The following CCS variants were observed in gnomAD, a reference collection of about 807,000 sequenced individuals.
CCS encodes superoxide dismutase copper chaperone.
CCS carries 32 observed loss-of-function variants against 35.5 expected under a neutral mutation model. That is an observed-to-expected ratio of 0.90 (90% confidence interval 0.68 to 1.21). The LOEUF (loss-of-function observed/expected upper bound fraction) is 1.21. Among genes scored for constraint, CCS ranks in the 50% most tolerant of loss-of-function variants. CCS has a pLI of 0.00. For missense variants in CCS, 342 were observed against 375.4 expected (o/e 0.91, Z 0.73); for synonymous variants, 130 against 147.2 (o/e 0.88, Z 0.84).
rs1212014528 is a variant in CCS at position 66,599,557 on chromosome 11, G to A, written c.349G>A (p.Gly117Arg). The stretch of plus-strand genomic sequence containing the variant: ...GACCCCTGAGCGCTGCCTCATCGAG[G>A]GAACTATTGACGGCCTGGAGCCTGG... ...QLTPERCLIE[G>R]TIDGLEPGLH... is the part of the protein sequence containing the mutation. The change falls in exon 4 of 8, where the codon GGA becomes AGA. Residue 117 changes from glycine (G) to arginine (R), a missense_variant. Coordinates refer to ENST00000533244, the MANE Select transcript of CCS (RefSeq NM_005125.2). 1.1e-5 allele frequency: 18 copies of A among 1,605,142 alleles called. No homozygotes were observed. In the East Asian group the frequency reaches 4.0e-4, roughly 36 times the overall value.
chr11:66,593,669 CAG>C lies in CCS; in HGVS notation c.70_71del (p.Ser24LeufsTer87). The C allele has an allele frequency of 6.2e-7, 1 of 1,614,116 alleles. No homozygotes were observed. Among genetic ancestry groups the C allele is most frequent in the East Asian group, 2.2e-5 (1 of 44,880 alleles). ...GGAGTTCGCGGTGCAGATGACCTGT[CAG>C]AGCTGTGTGGACGCGGTGCGCAAAT... The part of the protein sequence containing the change: ...TLEFAVQMTC[Q>X]SCVDAVRKSL... On this transcript the variant is annotated frameshift_variant, in exon 2 of 8. Coordinates refer to ENST00000533244, the MANE Select transcript of CCS (RefSeq NM_005125.2). LOFTEE classifies it high-confidence loss of function.
At chr11:66,601,646 A>G (rs767212045) in intron 5 of CCS, among the ~76,000 whole-genome samples, 15 of 150,080 alleles carry the variant, frequency 1.0e-4, no homozygotes, top group Admixed American at 2.0e-4. Flanking sequence ...ATGGCTCACT[A>G]CAGCCTTGAA....
intron 4 of CCS, 71 bp downstream of exon 4, chr11:66,599,707 C>T: frequency 7.2e-7 from 1 of 1,381,462 alleles, no homozygotes. Flanking sequence ...CACCAATACT[C>T]TGTGAGGCAC....
rs771093151 is a variant in CCS at position 66,593,645 on chromosome 11, G to A, written c.43G>A (p.Glu15Lys). 1.9e-6 allele frequency: 3 copies of A among 1,613,814 alleles called. No homozygotes were observed. In the Admixed American group the frequency reaches 5.0e-5, roughly 27 times the overall value. Reference protein sequence around the residue: ...SGNQGTLCTLEFAVQMTCQSC... With the variant: ...SGNQGTLCTLKFAVQMTCQSC... ...TTGGTCCCTGCCGCCCTTGCAGTTG[G>A]AGTTCGCGGTGCAGATGACCTGTCA... Residue 15 changes from glutamate (E) to lysine (K), a missense_variant, in exon 2 of 8, where the codon GAG becomes AAG. Coordinates refer to ENST00000533244, the MANE Select transcript of CCS (RefSeq NM_005125.2).
chr11:66,600,613 G>C, intron 5 of CCS, 64 bp downstream of exon 5: 1 of 793,176 alleles, frequency 1.3e-6, no homozygotes, highest in Non-Finnish European at 2.0e-6. Context: ...AGGCAGGGCA[G>C]GCAGCTCTTG....
intron 2 of CCS, 87 bp from the exon 3 acceptor site, chr11:66,599,029 A>C: frequency 6.5e-7 from 1 of 1,538,640 alleles, no homozygotes; most frequent in Non-Finnish European, 8.9e-7. Context: ...GGAAATGGGG[A>C]TGGAGAATTG....
At chr11:66,595,185 C>T (rs1565321906) in intron 2 of CCS, among the ~76,000 whole-genome samples, 1 of 151,890 alleles carries the variant, frequency 6.6e-6, no homozygotes, top group Non-Finnish European at 1.5e-5. Context: ...CGAGTTAATA[C>T]AAAAAAAGCA....
intron 5 of CCS, among the ~76,000 whole-genome samples, chr11:66,602,374 T>G (rs1434265988): frequency 6.6e-6 from 1 of 152,140 alleles, no homozygotes; most frequent in Non-Finnish European, 1.5e-5. Context: ...GCCAGAGACA[T>G]CAGTTCTTTG....
chr11:66,605,110 T>G, intron 5 of CCS: 1 of 1,503,242 alleles, frequency 6.7e-7, no homozygotes. Context: ...AGGGAGGGAG[T>G]GTTCAGATGG....
In CCS at chr11:66,605,114, C is replaced by G. The variant is rs1461814851; in HGVS notation, c.490-225C>G. 5 of 1,511,708 alleles carry G rather than the reference C, an allele frequency of 3.3e-6. No individual in the cohort carries two copies. The East Asian group carries it at 7.6e-5, about 23-fold the overall frequency. The allele number at this position is 1,511,708 out of a possible 1,614,324, so 93.6% of individuals were successfully genotyped here. A position where few individuals can be genotyped will look rare whatever the true frequency, so the allele number is the denominator to read the frequency against. On this transcript the variant is annotated intron_variant, in intron 5 of 7. Coordinates refer to ENST00000533244, the MANE Select transcript of CCS (RefSeq NM_005125.2). ...ATTTCAGTTCCAGGGAGGGAGTGTT[C>G]AGATGGTCCGGGACTTCCTGGACCA...
intron 2 of CCS, among the ~76,000 whole-genome samples, chr11:66,594,492 C>T (rs1858439361): frequency 6.6e-6 from 1 of 151,372 alleles, no homozygotes; most frequent in South Asian, 2.1e-4. Flanking sequence ...AGTGTTTATC[C>T]AGGCCAGGCT....
rs1858642966 is a variant in CCS, at chr11:66,605,572, C to A, written c.651C>A (p.Ile217=). ...LGRGGHPLSK[I]TGNSGERLAC... is the part of the protein sequence containing the mutation. Reference sequence around the variant, plus strand: ...GGGGAGGCCATCCCTTATCCAAGATCACAGGGAACTCCGGGGAGAGGTGAG... The same window carrying A: ...GGGGAGGCCATCCCTTATCCAAGATAACAGGGAACTCCGGGGAGAGGTGAG... Residue 217 remains isoleucine, a synonymous_variant, in exon 7 of 8, where the codon ATC becomes ATA. Transcript: ENST00000533244. 6.2e-7 allele frequency: 1 copy of A among 1,613,898 alleles called. No individual in the cohort carries two copies. The highest frequency in any genetic ancestry group is 8.5e-7 in the Non-Finnish European group (1 of 1,179,924).
At chr11:66,603,683 A>G (rs757997859) in intron 5 of CCS, among the ~76,000 whole-genome samples, 4 of 152,206 alleles carry the variant, frequency 2.6e-5, no homozygotes, top group Non-Finnish European at 4.4e-5. Flanking sequence ...CGTCTCTACT[A>G]AAAATACAAA....
chr11:66,604,794 G>C (rs1002417971), intron 5 of CCS, among the ~76,000 whole-genome samples: 1 of 152,222 alleles, frequency 6.6e-6, no homozygotes, highest in African/African-American at 2.4e-5. Context: ...GGCTAGGACA[G>C]GCCCTTTGCC....
Position 66,605,566 on chromosome 11 carries a change from C to G in CCS, c.645C>G (p.Ser215=). ...TGGGCCGGGGAGGCCATCCCTTATC[C>G]AAGATCACAGGGAACTCCGGGGAGA... ...DDLGRGGHPL[S]KITGNSGERL... Residue 215 remains serine (S), a synonymous_variant, in exon 7 of 8, where the codon TCC becomes TCG. Transcript: ENST00000533244. The G allele has an allele frequency of 6.2e-7, 1 of 1,613,938 alleles. No individual in the cohort carries two copies. Among genetic ancestry groups the G allele is most frequent in the Non-Finnish European group, 8.5e-7 (1 of 1,179,954 alleles).
chr11:66,604,498 A>C (rs1463267354), intron 5 of CCS, among the ~76,000 whole-genome samples: 1 of 152,114 alleles, frequency 6.6e-6, no homozygotes, highest in Non-Finnish European at 1.5e-5. Flanking sequence ...TTCTGCCCAA[A>C]ATGTCAGGTT....
chr11:66,596,525 G>A (rs1370700921), intron 2 of CCS, among the ~76,000 whole-genome samples: 6 of 151,974 alleles, frequency 3.9e-5, no homozygotes, highest in East Asian at 1.9e-4. Context: ...GACTACAGGC[G>A]CCCGCCACCA....
intron 2 of CCS, among the ~76,000 whole-genome samples, chr11:66,597,751 C>CAAAAA (rs1313468590): frequency 1.6e-5 from 2 of 122,132 alleles, no homozygotes; most frequent in Non-Finnish European, 3.5e-5. Context: ...GACTCTGTCT[C>CAAAAA]AAAAAAAAAA....
At chr11:66,597,056 T>G (rs1270822670) in intron 2 of CCS, among the ~76,000 whole-genome samples, 1 of 152,210 alleles carries the variant, frequency 6.6e-6, no homozygotes, top group Non-Finnish European at 1.5e-5. Flanking sequence ...GTACCAAATA[T>G]GTTAAGACAG....
Sources: allele counts gnomAD v4.1 joint callset (sites outside exome capture counted in the v4.1 genomes callset), GRCh38; gene constraint gnomAD v4.1.1; transcripts MANE v1.5; gene names NCBI Gene and HGNC (gene_info 2026-07-23, HGNC 2026-07-21).